PCDH9: variants seen among roughly 807,000 people sequenced by gnomAD.
The protein encoded by PCDH9 is protocadherin 9, also known as protocadherin-9.
A neutral mutation model predicts 70.6 loss-of-function variants in PCDH9; 24 were observed. That is an observed-to-expected ratio of 0.34 (90% CI 0.25 to 0.48). The LOEUF is 0.48. Among genes scored for constraint, PCDH9 ranks in the 20% least tolerant of loss-of-function variants. The pLI is 0.99. For synonymous variants in PCDH9, 562 were observed against 558.5 expected (o/e 1.01, Z -0.09); for missense variants, 1,281 against 1,503.6 (o/e 0.85, Z 2.45).
intron 3 of PCDH9, among the ~76,000 whole-genome samples, chr13:66,853,231 T>TAAC (rs57722266): frequency 2.7e-5 from 4 of 150,304 alleles, no homozygotes; most frequent in East Asian, 3.9e-4. Flanking sequence ...ATAATAATAA[T>TAAC]GATAAAATAT....
chr13:66,803,778 C>A (rs1027999745), intron 3 of PCDH9, among the ~76,000 whole-genome samples: 1 of 152,144 alleles, frequency 6.6e-6, no homozygotes, highest in African/African-American at 2.4e-5. Flanking sequence ...GAAGGAACTG[C>A]CATCTATATT....
chr13:66,631,933 G>A lies in PCDH9; in HGVS notation c.3139-522C>T, dbSNP rs569304497. On this transcript the variant is annotated intron_variant, in intron 3 of 4. Transcript: ENST00000377865. ...TTTGAGACAAAGTTTCGTTCTTGTT[G>A]CCCAGGTTGGAGTGCAATGGCGCGA... Among the ~76,000 whole-genome samples, 4 of 152,192 alleles carry A rather than the reference G, an allele frequency of 2.6e-5. No individual in the cohort carries two copies. In the South Asian group the frequency reaches 8.3e-4, roughly 32 times the overall value.
intron 2 of PCDH9, among the ~76,000 whole-genome samples, chr13:67,182,971 A>T (rs2088657318): frequency 6.6e-6 from 1 of 152,160 alleles, no homozygotes; most frequent in Non-Finnish European, 1.5e-5. Context: ...GAATGGCCCT[A>T]TTACCTTAGT....
chr13:66,733,734 G>A (rs1203396434), intron 3 of PCDH9, among the ~76,000 whole-genome samples: 1 of 150,736 alleles, frequency 6.6e-6, no homozygotes, highest in Non-Finnish European at 1.5e-5. Context: ...CTATCTTACA[G>A]GTGTCTTTAT....
rs74909924 is a variant in PCDH9, at chr13:66,427,063, A to G, written c.3341-122035T>C. On this transcript the variant is annotated intron_variant, in intron 4 of 4. Coordinates refer to ENST00000377865, the MANE Select transcript of PCDH9 (RefSeq NM_203487.3). Reference sequence around the variant, plus strand: ...TTAGCTTCAGTGTCAACCTCAGACAATTTTATAGTTGTTTTGAAAAGACTA... The same window carrying G: ...TTAGCTTCAGTGTCAACCTCAGACAGTTTTATAGTTGTTTTGAAAAGACTA... Among the ~76,000 whole-genome samples the G allele has an allele frequency of 2.8e-3, 429 of 151,788 alleles. 3 individuals are homozygous for G. Among genetic ancestry groups the G allele is most frequent in the African/African-American group, 9.8e-3 (406 of 41,530 alleles).
intron 3 of PCDH9, among the ~76,000 whole-genome samples, chr13:66,636,308 T>G (rs1216428982): frequency 6.6e-6 from 1 of 152,154 alleles, no homozygotes; most frequent in Non-Finnish European, 1.5e-5. Flanking sequence ...AAACATTTGA[T>G]ATATGGTATA....
chr13:67,004,959 C>T (rs935886240), intron 2 of PCDH9, among the ~76,000 whole-genome samples: 5 of 151,992 alleles, frequency 3.3e-5, no homozygotes, highest in African/African-American at 7.2e-5. Flanking sequence ...AAGTGGTCCA[C>T]CTAGCAATAA....
chr13:67,091,439 A>G (rs1420558680), intron 2 of PCDH9, among the ~76,000 whole-genome samples: 1 of 152,122 alleles, frequency 6.6e-6, no homozygotes, highest in African/African-American at 2.4e-5. Context: ...TTCATGTTTC[A>G]TTGAATATGT....
At chr13:66,963,795 A>C (rs4884710) in intron 2 of PCDH9, among the ~76,000 whole-genome samples, 150,966 of 152,296 alleles carry the variant, frequency 0.99, 74,835 homozygotes, top group East Asian at 1. Flanking sequence ...CGTCCAATGA[A>C]ATATGGGTTT....
At chr13:66,953,003 C>T (rs1318657717) in intron 2 of PCDH9, among the ~76,000 whole-genome samples, 3 of 151,924 alleles carry the variant, frequency 2.0e-5, no homozygotes, top group Admixed American at 6.6e-5. Context: ...CATTCTCATA[C>T]ATTTAACTTG....
chr13:66,972,564 A>G (rs2083543978), intron 2 of PCDH9, among the ~76,000 whole-genome samples: 1 of 151,924 alleles, frequency 6.6e-6, no homozygotes, highest in Non-Finnish European at 1.5e-5. Context: ...CTCACCAAGC[A>G]TATCTGTGAT....
intron 2 of PCDH9, among the ~76,000 whole-genome samples, chr13:67,004,363 G>C (rs2084305821): frequency 1.3e-5 from 2 of 151,858 alleles, no homozygotes; most frequent in Admixed American, 1.3e-4. Flanking sequence ...CTGAGGTCAG[G>C]AGTTCGAGAC....
intron 3 of PCDH9, among the ~76,000 whole-genome samples, chr13:66,868,845 A>G (rs768019834): frequency 2.0e-5 from 3 of 152,118 alleles, no homozygotes; most frequent in Non-Finnish European, 2.9e-5. Context: ...CATTTGCCTG[A>G]CACTTTGCTA....
chr13:66,797,657 A>G (rs1233484110), intron 3 of PCDH9, among the ~76,000 whole-genome samples: 2 of 152,170 alleles, frequency 1.3e-5, no homozygotes, highest in African/African-American at 2.4e-5. Flanking sequence ...AACCTCTACT[A>G]TATGAAGACA....
At chr13:66,988,271 A>G (rs139178395) in intron 2 of PCDH9, among the ~76,000 whole-genome samples, 1 of 152,202 alleles carries the variant, frequency 6.6e-6, no homozygotes, top group African/African-American at 2.4e-5. Context: ...TGCAATATGA[A>G]AAATTAAACC....
At chr13:66,632,844 A>G (rs1421202591) in intron 3 of PCDH9, among the ~76,000 whole-genome samples, 4 of 152,010 alleles carry the variant, frequency 2.6e-5, no homozygotes, top group African/African-American at 9.7e-5. Context: ...GAATTAATAA[A>G]ATGATGAATG....
intron 2 of PCDH9, among the ~76,000 whole-genome samples, chr13:67,185,724 G>T (rs1016685250): frequency 6.6e-5 from 10 of 152,222 alleles, no homozygotes; most frequent in Middle Eastern, 3.4e-3. Flanking sequence ...ACGTATGGAA[G>T]ATTTCTGTGT....
chr13:66,426,223 A>G (rs2138362916), intron 4 of PCDH9, among the ~76,000 whole-genome samples: 1 of 151,696 alleles, frequency 6.6e-6, no homozygotes, highest in East Asian at 1.9e-4. Flanking sequence ...TATGAATGAA[A>G]AAAAAAAGAA....
At chr13:66,812,240 T>C (rs2080522568) in intron 3 of PCDH9, among the ~76,000 whole-genome samples, 2 of 152,122 alleles carry the variant, frequency 1.3e-5, no homozygotes, top group South Asian at 4.1e-4. Flanking sequence ...TGCCAAAATA[T>C]ATAACGTGAC....
Sources: allele counts gnomAD v4.1 joint callset (sites outside exome capture counted in the v4.1 genomes callset), GRCh38; gene constraint gnomAD v4.1.1; transcripts MANE v1.5; gene names NCBI Gene and HGNC (gene_info 2026-07-23, HGNC 2026-07-21).